AKT3: variants seen among roughly 807,000 people sequenced by gnomAD.
The protein encoded by AKT3 is RAC-gamma serine/threonine-protein kinase.
AKT3 carries 15 observed loss-of-function variants against 65.3 expected under a neutral mutation model. The observed-to-expected ratio is 0.23, with a 90% confidence interval of 0.15 to 0.35. The LOEUF is 0.35. AKT3 is among the 10% of genes least tolerant of loss of function. The probability of loss-of-function intolerance (pLI) is 1.00; values close to 1 mark genes in which losing one functional copy is unlikely to be tolerated. For synonymous variants in AKT3, 206 were observed against 183.8 expected, an observed-to-expected ratio of 1.12 and a Z score of -0.98; for missense variants, 243 against 576.5, an observed-to-expected ratio of 0.42 and a Z score of 5.92.
intron 12 of AKT3, among the ~76,000 whole-genome samples, chr1:243,542,427 T>C (rs1281374540): frequency 1.3e-5 from 2 of 152,196 alleles, no homozygotes; most frequent in Non-Finnish European, 2.9e-5. Flanking sequence ...CACTTTTTAC[T>C]TTGCCTAGAA....
chr1:243,831,850 C>G (rs1196684671), intron 2 of AKT3, among the ~76,000 whole-genome samples: 1 of 151,908 alleles, frequency 6.6e-6, no homozygotes, highest in Non-Finnish European at 1.5e-5. Flanking sequence ...GAAATTCAAT[C>G]TATTCCTAAA....
intron 10 of AKT3, among the ~76,000 whole-genome samples, chr1:243,558,427 T>G (rs757742872): frequency 6.6e-6 from 1 of 152,056 alleles, no homozygotes; most frequent in Admixed American, 6.6e-5. Context: ...TTAAAGATAG[T>G]AGGTTTCAAA....
At chr1:243,516,563 G>A (rs1425262232) in intron 12 of AKT3, among the ~76,000 whole-genome samples, 1 of 151,644 alleles carries the variant, frequency 6.6e-6, no homozygotes, top group African/African-American at 2.4e-5. Flanking sequence ...TCTTTTTCTT[G>A]TTTTTTAGAG....
chr1:243,810,827 C>T (rs1005265826), intron 2 of AKT3, among the ~76,000 whole-genome samples: 6 of 152,188 alleles, frequency 3.9e-5, no homozygotes, highest in Non-Finnish European at 5.9e-5. Context: ...AGCTTATCCA[C>T]CATGATCAAG....
chr1:243,759,972 T>C (rs952850627), intron 2 of AKT3, among the ~76,000 whole-genome samples: 1 of 152,118 alleles, frequency 6.6e-6, no homozygotes, highest in East Asian at 1.9e-4. Flanking sequence ...AACCAAAAAA[T>C]AAACTAAATC....
intron 4 of AKT3, among the ~76,000 whole-genome samples, chr1:243,655,730 T>C (rs540002839): frequency 6.6e-6 from 1 of 152,262 alleles, no homozygotes; most frequent in South Asian, 2.1e-4. Context: ...CAGGGTACAG[T>C]CCTTTAAGCT....
chr1:243,766,217 T>C (rs1402300478), intron 2 of AKT3, among the ~76,000 whole-genome samples: 3 of 152,172 alleles, frequency 2.0e-5, no homozygotes, highest in African/African-American at 7.2e-5. Context: ...ATTACATATA[T>C]GTGCACTGCT....
chr1:243,660,232 T>C (rs1682193660), intron 4 of AKT3, among the ~76,000 whole-genome samples: 2 of 152,056 alleles, frequency 1.3e-5, no homozygotes, highest in Admixed American at 1.3e-4. Flanking sequence ...TCGAGGAATT[T>C]ATCCATTTCT....
chr1:243,505,565 A>C (rs909538217), intron 13 of AKT3, among the ~76,000 whole-genome samples: 1 of 152,208 alleles, frequency 6.6e-6, no homozygotes. Context: ...TAAGACATCA[A>C]AATTTCAAGA....
intron 2 of AKT3, among the ~76,000 whole-genome samples, chr1:243,708,781 T>C (rs1287005372): frequency 6.6e-6 from 1 of 152,008 alleles, no homozygotes; most frequent in Non-Finnish European, 1.5e-5. Context: ...TATACAATCT[T>C]TCAGTAAAGA....
Position 243,563,615 on chromosome 1 carries a change from T to C in AKT3, c.948+105A>G, listed in dbSNP as rs115216696. The C allele has an allele frequency of 1.1e-3, 1,553 of 1,363,664 alleles. 19 individuals are homozygous for C. In the African/African-American group the frequency reaches 0.02, roughly 17 times the overall value. 84.5% of individuals were successfully genotyped at this position (1,363,664 alleles called of 1,614,324 possible). On this transcript the variant is annotated intron_variant, in intron 10 of 13. Transcript: ENST00000673466. ...AAAAATTTTGATTCAGGTTGAAATA[T>C]AGATAAAAGTAGTAGATACTACAGT... is the stretch of plus-strand genomic sequence containing the variant.
chr1:243,671,331 C>T lies in AKT3; in HGVS notation c.173-6448G>A, dbSNP rs556031696. Among the ~76,000 whole-genome samples the T allele has an allele frequency of 1.5e-3, 221 of 152,240 alleles. 1 individual carries two copies. Among genetic ancestry groups the T allele is most frequent in the African/African-American group, 4.9e-3 (205 of 41,550 alleles). On this transcript the variant is annotated intron_variant, in intron 3 of 13. Transcript: ENST00000673466. ...TCCTGACCTCATGATCCGCCCACCT[C>T]GGCCTCCCAAAGCGCTGGGATTACA...
At chr1:243,811,222 G>C (rs1051729214) in intron 2 of AKT3, among the ~76,000 whole-genome samples, 1 of 152,148 alleles carries the variant, frequency 6.6e-6, no homozygotes, top group Non-Finnish European at 1.5e-5. Context: ...TAGGAAAAGA[G>C]GAAGTCAAAT....
At chr1:243,811,280 G>T (rs1020768989) in intron 2 of AKT3, among the ~76,000 whole-genome samples, 4 of 152,072 alleles carry the variant, frequency 2.6e-5, no homozygotes, top group African/African-American at 9.7e-5. Flanking sequence ...AAACCCCATG[G>T]TCTCAGCCCA....
At chr1:243,492,604 GT>G (rs74162289) in intron 13 of AKT3, among the ~76,000 whole-genome samples, 22,542 of 58,754 alleles carry the variant, frequency 0.38, 3,221 homozygotes, top group Admixed American at 0.46. Flanking sequence ...GCGCCCAGCT[GT>G]TTTTTTTTTT....
chr1:243,767,993 G>C (rs1056508867), intron 2 of AKT3, among the ~76,000 whole-genome samples: 1 of 151,562 alleles, frequency 6.6e-6, no homozygotes, highest in Non-Finnish European at 1.5e-5. Flanking sequence ...AAAATATATA[G>C]AGAGGGGGAA....
intron 8 of AKT3, among the ~76,000 whole-genome samples, chr1:243,585,135 A>C (rs907757564): frequency 6.6e-6 from 1 of 151,914 alleles, no homozygotes; most frequent in African/African-American, 2.4e-5. Context: ...AATCATTTAC[A>C]ATAGCCACAC....
intron 2 of AKT3, among the ~76,000 whole-genome samples, chr1:243,823,808 A>G (rs1387710173): frequency 1.3e-5 from 2 of 152,220 alleles, no homozygotes; most frequent in South Asian, 2.1e-4. Flanking sequence ...AGAAGAATCA[A>G]TATCGTGAAA....
In AKT3 at chr1:243,630,989, A is replaced by G. The variant is rs1006948977; in HGVS notation, c.561+6622T>C. ...CAAATAGCCTCTTTTTTTTTTTTCCATACAGGCATACGTCAGGTTTTGTTC... is the reference window on the plus strand; with the variant it reads ...CAAATAGCCTCTTTTTTTTTTTTCCGTACAGGCATACGTCAGGTTTTGTTC... On this transcript the variant is annotated intron_variant, in intron 6 of 13. Coordinates refer to ENST00000673466, the MANE Select transcript of AKT3 (RefSeq NM_005465.7). Among the ~76,000 whole-genome samples, 12 of 146,404 alleles carry G rather than the reference A, an allele frequency of 8.2e-5. No individual in the cohort carries two copies. In the Admixed American group the frequency reaches 8.2e-4, roughly 10 times the overall value.
Sources: allele counts gnomAD v4.1 joint callset (sites outside exome capture counted in the v4.1 genomes callset), GRCh38; gene constraint gnomAD v4.1.1; transcripts MANE v1.5; gene names NCBI Gene and HGNC (gene_info 2026-07-23, HGNC 2026-07-21).